Variants in ZNF318 observed in about 807,000 individuals in gnomAD.
ZNF318 encodes endocrine regulator.
ZNF318 carries 51 observed loss-of-function variants against 124.2 expected under a neutral mutation model. The observed-to-expected ratio is 0.41, with a 90% CI of 0.33 to 0.52. ZNF318 has a LOEUF of 0.52. Among genes scored for constraint, ZNF318 ranks in the 20% least tolerant of loss-of-function variants. The pLI is 0.23. For synonymous variants in ZNF318, 1,090 were observed against 1,040.7 expected, an observed-to-expected ratio of 1.05 and a Z score of -0.91; for missense variants, 2,815 against 2,811.2, an observed-to-expected ratio of 1.00 and a Z score of -0.03.
Position 43,369,272 on chromosome 6 carries a change from A to C in ZNF318, c.94T>G (p.Ser32Ala). The C allele has an allele frequency of 7.6e-7, 1 of 1,310,454 alleles. No homozygotes were observed. The highest frequency in any genetic ancestry group is 1.8e-5 in the South Asian group (1 of 54,852). 81.2% of individuals were successfully genotyped at this position (1,310,454 alleles called of 1,614,324 possible). A position where few individuals can be genotyped will look rare whatever the true frequency, so the allele number is the denominator to read the frequency against. Residue 32 changes from serine to alanine, a missense_variant, in exon 1 of 10, where the codon TCC becomes GCC. Ser to Ala is a moderately conservative substitution (Grantham distance 99). Around this residue, in one of 4 missense-constraint regions of ZNF318, gnomAD observed 1,377 missense variants for 1,353.5 expected, o/e 1.02. Coordinates refer to ENST00000361428, the MANE Select transcript of ZNF318 (RefSeq NM_014345.3). Reference protein sequence around the residue: ...GPRSGRSSGSSSGPARRSSPP... With the variant: ...GPRSGRSSGSASGPARRSSPP... ...GAGCTGCGGCGAGCCGGGCCTGAGG[A>C]GGAGCCAGAGCTGCGGCCGCTGCGC... is the stretch of plus-strand genomic sequence containing the variant.
In ZNF318 at chr6:43,342,808, AGTGGCT is replaced by A. The variant is rs775363325; in HGVS notation, c.3138_3143del (p.Ala1047_Thr1048del). 21 of 1,614,186 alleles carry A rather than the reference AGTGGCT, an allele frequency of 1.3e-5. No homozygotes were observed. The African/African-American group carries it at 2.5e-4, about 19-fold the overall frequency. On this transcript the variant is annotated inframe_deletion, in exon 7 of 10. Coordinates refer to ENST00000361428, the MANE Select transcript of ZNF318 (RefSeq NM_014345.3). Reference sequence around the variant, plus strand: ...CAGCAGTGGGCTGATCCAACTGCTTAGTGGCTGACTGGGGGCTTTCGGCAGGCTTGG... The same window carrying A: ...CAGCAGTGGGCTGATCCAACTGCTTAGACTGGGGGCTTTCGGCAGGCTTGG...
chr6:43,339,663 T>C lies in ZNF318; in HGVS notation c.4335A>G (p.Pro1445=), dbSNP rs1779342492. Residue 1445 remains proline, a synonymous_variant, in exon 10 of 10, where the codon CCA becomes CCG. Transcript: ENST00000361428. This position sits in a 1 kb window ranked among gnomAD's most constrained non-coding sequence, Gnocchi z 4.2. ...GTGGAGGTGGTGGAGGTGGGGGTGG[T>C]GGAGGAGGTGGTAGTATTTGTTCAG... ...HLPEQILPPP[P]PPPPPPPPPP... is the part of the protein sequence containing the mutation. 2 of 1,158,182 alleles carry C rather than the reference T, an allele frequency of 1.7e-6. No individual in the cohort carries two copies. The highest frequency in any genetic ancestry group is 2.4e-6 in the Non-Finnish European group (2 of 821,576). 71.7% of individuals were successfully genotyped at this position (1,158,182 alleles called of 1,614,324 possible).
chr6:43,364,551 A>C (rs1045764578), intron 2 of ZNF318, among the ~76,000 whole-genome samples: 3 of 152,160 alleles, frequency 2.0e-5, no homozygotes, highest in African/African-American at 7.2e-5. Flanking sequence ...CAAAACTCCC[A>C]ATGTGCTGGG....
Position 43,342,128 on chromosome 6 carries a change from T to A in ZNF318, c.3360A>T (p.Ile1120=), listed in dbSNP as rs1191738385. The A allele has an allele frequency of 6.8e-6, 11 of 1,614,006 alleles. No individual in the cohort carries two copies. The Admixed American group carries it at 1.8e-4, about 27-fold the overall frequency. ...KQDAIKRTDK[I]TVPAKGSEFL... is the part of the protein sequence containing the mutation. ...GAAACATACCTTTTGCAGGAACAGT[T>A]ATCTTGTCAGTGCGCTTTATGGCAT... The change falls in exon 8 of 10, where the codon ATA becomes ATT. Residue 1120 remains isoleucine (I), a synonymous_variant. Coordinates refer to ENST00000361428, the MANE Select transcript of ZNF318 (RefSeq NM_014345.3).
Position 43,339,798 on chromosome 6 carries a change from G to A in ZNF318, c.4200C>T (p.Leu1400=), listed in dbSNP as rs767266877. The A allele has an allele frequency of 3.1e-6, 5 of 1,614,180 alleles. No individual in the cohort carries two copies. In the East Asian group the frequency reaches 8.9e-5, roughly 29 times the overall value. ...CTTTGGAGATGATGTCTGGAGGTAA[G>A]AGGAGATCAGCTGAAGACTCTTTAA... is the stretch of plus-strand genomic sequence containing the variant. The part of the protein sequence containing the change: ...PVVKESSADL[L]LPPDIISKAF... The change falls in exon 10 of 10, where the codon CTC becomes CTT. Residue 1400 remains leucine (L), a synonymous_variant. Coordinates refer to ENST00000361428, the MANE Select transcript of ZNF318 (RefSeq NM_014345.3). The surrounding 1 kb of genome is among the most constrained non-coding windows in gnomAD (Gnocchi z 4.2).
intron 8 of ZNF318, among the ~76,000 whole-genome samples, chr6:43,341,432 C>T (rs1251743723): frequency 1.3e-5 from 2 of 152,018 alleles, no homozygotes; most frequent in African/African-American, 4.8e-5. Flanking sequence ...GTGGGCAGAT[C>T]ACGAGGTCAG....
Position 43,348,586 on chromosome 6 carries a change from T to A in ZNF318, c.2810A>T (p.His937Leu). The A allele has an allele frequency of 6.2e-7, 1 of 1,614,160 alleles. No individual in the cohort carries two copies. The highest frequency in any genetic ancestry group is 1.3e-5 in the African/African-American group (1 of 75,030). The change falls in exon 6 of 10, where the codon CAC (histidine) becomes CTC (leucine). Residue 937 changes from histidine (H) to leucine (L), a missense_variant. Around this residue, in one of 4 missense-constraint regions of ZNF318, gnomAD observed 1,377 missense variants for 1,353.5 expected, o/e 1.02. Coordinates refer to ENST00000361428, the MANE Select transcript of ZNF318 (RefSeq NM_014345.3). ...CACCTCCACCAAGAGAGGATCTTTG[T>A]GGCCATCCTTCTCCCTTCGTTTCTT... Reference protein sequence around the residue: ...LRKKRREKDGHKDPLLVEVSR... With the variant: ...LRKKRREKDGLKDPLLVEVSR...
In ZNF318 at chr6:43,350,443, G is replaced by A. The variant is rs977126374; in HGVS notation, c.2771-1818C>T. On this transcript the variant is annotated intron_variant, in intron 5 of 9. Coordinates refer to ENST00000361428, the MANE Select transcript of ZNF318 (RefSeq NM_014345.3). ...TCCATGAATTCATACTCATATAAAT[G>A]AATAAACAAATGGGAGTGAGGGTTA... Among the ~76,000 whole-genome samples, 3 of 152,060 alleles carry A rather than the reference G, an allele frequency of 2.0e-5. No homozygotes were observed. The South Asian group carries it at 6.2e-4, about 32-fold the overall frequency.
chr6:43,367,146 G>A (rs920829238), intron 1 of ZNF318, among the ~76,000 whole-genome samples: 1 of 152,146 alleles, frequency 6.6e-6, no homozygotes, highest in Non-Finnish European at 1.5e-5. Flanking sequence ...CACCGCGCCC[G>A]GCCCTATTTT....
chr6:43,368,610 A>G, intron 1 of ZNF318: 2 of 957,494 alleles, frequency 2.1e-6, no homozygotes, highest in Non-Finnish European at 2.5e-6. Context: ...AAGGGGATGA[A>G]AAGTACGGAA....
At position 43,337,900 on chromosome 6, in the gene ZNF318, T is replaced by C. The variant is rs563297911; in HGVS notation, c.6098A>G (p.His2033Arg). Residue 2033 changes from histidine to arginine, a missense_variant, in exon 10 of 10, where the codon CAT (histidine) becomes CGT (arginine). Physicochemically the swap from His to Arg is conservative, Grantham distance 29. Around this residue, in one of 4 missense-constraint regions of ZNF318, gnomAD observed 927 missense variants for 820.6 expected, o/e 1.13. Transcript: ENST00000361428. ...CTGACACAAGACAGTTGGGGATCTATGTGCTGGGCTTACCCGAGTAGTGCA... is the reference window on the plus strand; with the variant it reads ...CTGACACAAGACAGTTGGGGATCTACGTGCTGGGCTTACCCGAGTAGTGCA... ...DFCTTRVSPA[H>R]RSPTVLCQKV... 22 of 1,614,224 alleles carry C rather than the reference T, an allele frequency of 1.4e-5. No homozygotes were observed. Among genetic ancestry groups the C allele is most frequent in the African/African-American group, 5.3e-5 (4 of 75,068 alleles).
Position 43,336,314 on chromosome 6 carries a change from C to T in ZNF318, c.*844G>A, listed in dbSNP as rs1779278875. ...TTCTACCCCTTCACAACACAAATGG[C>T]TGCTAAACAATTTAATACAAAGTGT... On this transcript the variant is annotated 3_prime_UTR_variant, in exon 10 of 10. Coordinates refer to ENST00000361428, the MANE Select transcript of ZNF318 (RefSeq NM_014345.3). The T allele has an allele frequency of 6.6e-6, 1 of 152,596 alleles. No homozygotes were observed. Among genetic ancestry groups the T allele is most frequent in the Non-Finnish European group, 1.5e-5 (1 of 68,028 alleles). The allele number at this position is 152,596 out of a possible 1,614,324, so 9.5% of individuals were successfully genotyped here.
chr6:43,342,053 G>T, intron 8 of ZNF318, 59 bp downstream of exon 8: 1 of 1,440,010 alleles, frequency 6.9e-7, no homozygotes, highest in Non-Finnish European at 9.8e-7. Context: ...TTAGTTCAGG[G>T]ACACCTCTTC....
chr6:43,357,824 AG>A (rs1779630792), intron 2 of ZNF318, 59 bp from the exon 3 acceptor site: 1 of 1,468,016 alleles, frequency 6.8e-7, no homozygotes, highest in African/African-American at 1.4e-5. Flanking sequence ...AGAGCAGACA[AG>A]GCTAAGAGAC....
At chr6:43,367,609 T>C (rs946701696) in intron 1 of ZNF318, among the ~76,000 whole-genome samples, 1 of 152,220 alleles carries the variant, frequency 6.6e-6, no homozygotes, top group African/African-American at 2.4e-5. Context: ...TGGCTGTTTC[T>C]GATGTAAGCA....
chr6:43,343,626 C>T (rs560740552), intron 6 of ZNF318, among the ~76,000 whole-genome samples: 1 of 151,836 alleles, frequency 6.6e-6, no homozygotes, highest in African/African-American at 2.4e-5. Flanking sequence ...GCCAGGAGTT[C>T]GAGACAGGCC....
Position 43,339,241 on chromosome 6 carries a change from G to T in ZNF318, c.4757C>A (p.Ala1586Asp). 1 of 1,610,600 alleles carries T rather than the reference G, an allele frequency of 6.2e-7. No individual in the cohort carries two copies. The highest frequency in any genetic ancestry group is 2.2e-5 in the East Asian group (1 of 44,870). ...GGKGAPETKG[A>D]PETKLSGGPL... ...ACCACCACTTAGCTTAGTCTCAGGG[G>T]CCCCCTTAGTCTCAGGGGCCCCCTT... The change falls in exon 10 of 10, where the codon GCC (alanine) becomes GAC (aspartate). Residue 1586 changes from alanine to aspartate, a missense_variant. Ala to Asp is a moderately radical substitution (Grantham distance 126). Coordinates refer to ENST00000361428, the MANE Select transcript of ZNF318 (RefSeq NM_014345.3). The surrounding 1 kb of genome is among the most constrained non-coding windows in gnomAD (Gnocchi z 4.2).
Position 43,339,066 on chromosome 6 carries a change from C to G in ZNF318, c.4932G>C (p.Lys1644Asn), listed in dbSNP as rs1294926650. 1 of 1,614,186 alleles carries G rather than the reference C, an allele frequency of 6.2e-7. No homozygotes were observed. Among genetic ancestry groups the G allele is most frequent in the Non-Finnish European group, 8.5e-7 (1 of 1,180,036 alleles). Residue 1644 changes from lysine (K) to asparagine (N), a missense_variant, in exon 10 of 10, where the codon AAG becomes AAC. Around this residue, in one of 4 missense-constraint regions of ZNF318, gnomAD observed 927 missense variants for 820.6 expected, o/e 1.13. Transcript: ENST00000361428. This position sits in a 1 kb window ranked among gnomAD's most constrained non-coding sequence, Gnocchi z 4.2. ...VAAPIVSNSE[K>N]PIAKTLVALG... is the part of the protein sequence containing the mutation. Reference sequence around the variant, plus strand: ...GGGCCACCAGAGTTTTTGCAATGGGCTTTTCAGAGTTGCTAACTATAGGAG... The same window carrying G: ...GGGCCACCAGAGTTTTTGCAATGGGGTTTTCAGAGTTGCTAACTATAGGAG...
At chr6:43,357,900 C>G in intron 2 of ZNF318, 135 bp from the exon 3 acceptor site, 5 of 774,964 alleles carry the variant, frequency 6.5e-6, no homozygotes, top group Non-Finnish European at 1.0e-5. Context: ...AGTCCAAGAA[C>G]ATTTCCTCTC....
Sources: allele counts gnomAD v4.1 joint callset (sites outside exome capture counted in the v4.1 genomes callset), GRCh38; gene constraint gnomAD v4.1.1; regional missense constraint gnomAD v4.1.1; non-coding constraint Gnocchi (gnomAD v3.1); transcripts MANE v1.5; gene names NCBI Gene and HGNC (gene_info 2026-07-23, HGNC 2026-07-21).